The following UNC79 variants were observed in gnomAD, a reference collection of about 807,000 sequenced individuals.
UNC79 encodes the protein protein unc-79 homolog.
Under a neutral mutation model 283.1 loss-of-function variants are expected in UNC79, and 37 were observed. The observed-to-expected ratio is 0.13, with a 90% CI of 0.10 to 0.17. The LOEUF (loss-of-function observed/expected upper bound fraction) is 0.17, where lower values mean the gene tolerates loss of function less well. Among genes scored for constraint, UNC79 ranks in the 10% least tolerant of loss-of-function variants. UNC79 has a pLI of 1.00. For synonymous variants in UNC79, 1,107 were observed against 1,200.2 expected (o/e 0.92, Z 1.61); for missense variants, 2,272 against 3,211.1 (o/e 0.71, Z 7.07).
At chr14:93,440,168 T>G (rs1282076539) in intron 1 of UNC79, among the ~76,000 whole-genome samples, 4 of 151,272 alleles carry the variant, frequency 2.6e-5, no homozygotes, top group Admixed American at 6.6e-5. Flanking sequence ...GTGCATAGGT[T>G]ATATGCAAAT....
chr14:93,694,299 T>C (rs776163525), intron 46 of UNC79, 36 bp from the exon 50 acceptor site: 1 of 1,595,892 alleles, frequency 6.3e-7, no homozygotes, highest in Non-Finnish European at 8.6e-7. Context: ...TCTATATCAC[T>C]GGAAATGGAA....
rs530940201 is a variant in UNC79, at chr14:93,648,397, G to A, written c.6083+1751G>A. Among the ~76,000 whole-genome samples, 17 of 152,330 alleles carry A rather than the reference G, an allele frequency of 1.1e-4. No homozygotes were observed. In the East Asian group the frequency reaches 3.1e-3, roughly 28 times the overall value. ...GAACCAGTTTGGAGACCATGTTAGC[G>A]GTGCAGGTGAGAGGTTAGTGGTTTG... On this transcript the variant is annotated intron_variant, in intron 35 of 48. Coordinates refer to ENST00000555664, the Ensembl canonical transcript of UNC79.
chr14:93,355,072 A>G (rs1266482199), intron 1 of UNC79, among the ~76,000 whole-genome samples: 1 of 149,218 alleles, frequency 6.7e-6, no homozygotes, highest in Non-Finnish European at 1.5e-5. Context: ...CTTATCACCC[A>G]GGCTGGGAGT....
At chr14:93,462,650 G>A (rs909543304) in intron 1 of UNC79, among the ~76,000 whole-genome samples, 4 of 152,216 alleles carry the variant, frequency 2.6e-5, no homozygotes, top group Non-Finnish European at 5.9e-5. Context: ...GTTGGGAGAT[G>A]TATTTGATAG....
At chr14:93,518,441 A>G (rs905581997) in intron 7 of UNC79, among the ~76,000 whole-genome samples, 1 of 148,216 alleles carries the variant, frequency 6.7e-6, no homozygotes, top group Admixed American at 6.7e-5. Context: ...TGAATTTTCA[A>G]TTTTTTTTTT....
At chr14:93,416,843 C>T (rs1595449643) in intron 1 of UNC79, among the ~76,000 whole-genome samples, 1 of 152,128 alleles carries the variant, frequency 6.6e-6, no homozygotes, top group South Asian at 2.1e-4. Context: ...AGGATTACAA[C>T]CCCTGCCTTT....
chr14:93,676,418 G>C (rs951942075), intron 41 of UNC79, among the ~76,000 whole-genome samples: 3 of 152,198 alleles, frequency 2.0e-5, no homozygotes, highest in African/African-American at 7.2e-5. Flanking sequence ...GAGGGCAGGT[G>C]AACAGGGCTT....
intron 27 of UNC79, among the ~76,000 whole-genome samples, chr14:93,616,806 A>G (rs1369058377): frequency 1.3e-5 from 2 of 152,230 alleles, no homozygotes; most frequent in African/African-American, 4.8e-5. Context: ...GGTGGTTACC[A>G]ATACTAGGTT....
At chr14:93,354,265 T>A (rs2054039608) in intron 1 of UNC79, among the ~76,000 whole-genome samples, 1 of 152,214 alleles carries the variant, frequency 6.6e-6, no homozygotes, top group Non-Finnish European at 1.5e-5. Flanking sequence ...CTGTGTTTTA[T>A]GGACATTTAA....
intron 1 of UNC79, among the ~76,000 whole-genome samples, chr14:93,351,523 T>C (rs1315925894): frequency 6.6e-6 from 1 of 152,222 alleles, no homozygotes; most frequent in Non-Finnish European, 1.5e-5. Flanking sequence ...GTGAGGTCAG[T>C]ATACCCCAAA....
At chr14:93,680,937 T>C (rs1213564599) in intron 41 of UNC79, among the ~76,000 whole-genome samples, 1 of 152,226 alleles carries the variant, frequency 6.6e-6, no homozygotes, top group Non-Finnish European at 1.5e-5. Flanking sequence ...TTTCATTTTT[T>C]TACTTATAGG....
At chr14:93,337,977 A>G (rs1038281293) in intron 1 of UNC79, among the ~76,000 whole-genome samples, 5 of 152,112 alleles carry the variant, frequency 3.3e-5, no homozygotes, top group Non-Finnish European at 7.4e-5. Flanking sequence ...ACCTCACCCC[A>G]GCAGCCAGTG....
exon 21 of UNC79, chr14:93,586,654 A>C: frequency 6.2e-7 from 1 of 1,613,922 alleles, no homozygotes. Context: ...TAACATTGAG[A>C]CTAATATATA....
intron 47 of UNC79, among the ~76,000 whole-genome samples, chr14:93,700,606 G>T (rs1483381978): frequency 6.6e-6 from 1 of 152,044 alleles, no homozygotes; most frequent in Non-Finnish European, 1.5e-5. Context: ...TTGGGTGATG[G>T]ATATTTTTAT....
Position 93,690,627 on chromosome 14 carries a change from A to G in UNC79, c.7272+324A>G. On this transcript the variant is annotated intron_variant, in intron 45 of 48. Coordinates refer to ENST00000555664, the Ensembl canonical transcript of UNC79. The surrounding 1 kb of genome is among the most constrained non-coding windows in gnomAD (Gnocchi z 4.3). ...GAAATATAATCAAAATTCTGTGATC[A>G]GTTTTTAAAACCAGAGACAAAACAA... The G allele has an allele frequency of 3.8e-6, 1 of 260,416 alleles. No individual in the cohort carries two copies. The highest frequency in any genetic ancestry group is 5.0e-5 in the Admixed American group (1 of 20,074). 16.1% of individuals were successfully genotyped at this position (260,416 alleles called of 1,614,324 possible).
intron 47 of UNC79, among the ~76,000 whole-genome samples, chr14:93,701,042 C>T (rs191883242): frequency 6.6e-6 from 1 of 152,054 alleles, no homozygotes; most frequent in Admixed American, 6.5e-5. Context: ...CAGTACTCTA[C>T]CTTGAAAACT....
chr14:93,699,543 G>A (rs543693009), intron 47 of UNC79, among the ~76,000 whole-genome samples: 1 of 152,204 alleles, frequency 6.6e-6, no homozygotes, highest in Non-Finnish European at 1.5e-5. Flanking sequence ...GTTTAGAAGT[G>A]TGTTTTTTAA....
chr14:93,519,259 T>A (rs2060210353), intron 7 of UNC79, among the ~76,000 whole-genome samples: 1 of 151,920 alleles, frequency 6.6e-6, no homozygotes, highest in Non-Finnish European at 1.5e-5. Context: ...TCTGGTAATA[T>A]TCTTTGTTCT....
chr14:93,643,224 C>A (rs1317989733), intron 33 of UNC79, among the ~76,000 whole-genome samples: 1 of 152,196 alleles, frequency 6.6e-6, no homozygotes, highest in Non-Finnish European at 1.5e-5. Flanking sequence ...ATGTCAAATG[C>A]ATCAAATCCT....
Sources: gnomAD v4.1 joint callset for allele counts (sites outside exome capture counted in the v4.1 genomes callset) on GRCh38, gnomAD v4.1.1 for gene constraint, Gnocchi (gnomAD v3.1) non-coding constraint, MANE v1.5 for transcripts, NCBI Gene and HGNC (gene_info 2026-07-23, HGNC 2026-07-21) for gene names.